Variants in MBOAT4 observed in about 807,000 individuals in gnomAD.
The protein encoded by MBOAT4 is membrane bound ghrelin O-acyltransferase MBOAT4, also known as membrane-bound ghrelin O-acyltransferase MBOAT4.
MBOAT4 carries 11 observed loss-of-function variants against 13.2 expected under a neutral mutation model. The ratio of observed to expected loss-of-function variants is 0.84; its 90% confidence interval spans 0.53 to 1.38. The LOEUF (loss-of-function observed/expected upper bound fraction) is 1.38, where lower values mean the gene tolerates loss of function less well. Among genes scored for constraint, MBOAT4 ranks in the 40% most tolerant of loss-of-function variants. The pLI, the probability that MBOAT4 is intolerant of heterozygous loss-of-function variation, is 0.00. For missense variants in MBOAT4, 481 were observed against 527.2 expected (o/e 0.91, Z 0.86); for synonymous variants, 202 against 210.3 (o/e 0.96, Z 0.34).
In MBOAT4 at chr8:30,132,120, G is replaced by A; in HGVS notation, c.1131C>T (p.Phe377=). 6.4e-7 allele frequency: 1 copy of A among 1,551,696 alleles called. No individual in the cohort carries two copies. Among genetic ancestry groups the A allele is most frequent in the Non-Finnish European group, 8.7e-7 (1 of 1,147,004 alleles). ...TGTGGGCCCAGGTGAGGGTTCTATAGAACAGCCTCATCGGCCAGGATCTGA... is the reference window on the plus strand; with the variant it reads ...TGTGGGCCCAGGTGAGGGTTCTATAAAACAGCCTCATCGGCCAGGATCTGA... The part of the protein sequence containing the change: ...EFIRSWPMRL[F]YRTLTWAHTQ... The change falls in exon 3 of 3, where the codon TTC becomes TTT. Residue 377 remains phenylalanine (F), a synonymous_variant. Coordinates refer to ENST00000320542, the MANE Select transcript of MBOAT4 (RefSeq NM_001100916.2).
rs752092925 is a variant in MBOAT4, at chr8:30,132,553, G to C, written c.698C>G (p.Thr233Ser). ...GATGCACTCGAATTGCTGGCAATCAGTCAGTCCCGCTCCTGCATCCACCAC... is the reference window on the plus strand; with the variant it reads ...GATGCACTCGAATTGCTGGCAATCACTCAGTCCCGCTCCTGCATCCACCAC... ...SRVVDAGAGLTDCQQFECIYV... is the reference protein window; with the variant it reads ...SRVVDAGAGLSDCQQFECIYV... The change falls in exon 3 of 3, where the codon ACT (threonine) becomes AGT (serine). Residue 233 changes from threonine (T) to serine (S), a missense_variant. Physicochemically the swap from Thr to Ser is moderately conservative, Grantham distance 58. Transcript: ENST00000320542. 6.4e-7 allele frequency: 1 copy of C among 1,551,698 alleles called. No individual in the cohort carries two copies.
chr8:30,132,792 G>A lies in MBOAT4; in HGVS notation c.459C>T (p.Ser153=). The A allele has an allele frequency of 6.4e-7, 1 of 1,551,752 alleles. No individual in the cohort carries two copies. The highest frequency in any genetic ancestry group is 1.2e-5 in the South Asian group (1 of 84,062). Residue 153 remains serine (S), a synonymous_variant, in exon 3 of 3, where the codon AGC becomes AGT. Coordinates refer to ENST00000320542, the MANE Select transcript of MBOAT4 (RefSeq NM_001100916.2). Reference sequence around the variant, plus strand: ...CCTTACACACATGCTCAGACAAAGAGCTCCTGCTCCTGAAGCCTCCAGATG... The same window carrying A: ...CCTTACACACATGCTCAGACAAAGAACTCCTGCTCCTGAAGCCTCCAGATG... ...KAASGGFRSR[S]SLSEHVCKAL... is the part of the protein sequence containing the mutation.
chr8:30,136,620 A>G lies in MBOAT4; in HGVS notation c.344+1912T>C, dbSNP rs541612215. Among the ~76,000 whole-genome samples the G allele has an allele frequency of 2.6e-5, 4 of 151,850 alleles. No individual in the cohort carries two copies. In the South Asian group the frequency reaches 6.2e-4, roughly 24 times the overall value. On this transcript the variant is annotated intron_variant, in intron 2 of 2. Transcript: ENST00000320542. ...GCCCCAGCTCCCTACTGAAATCCTG[A>G]TTCACTCCATCCCATTTGGTACTTC...
At position 30,132,458 on chromosome 8, in the gene MBOAT4, G is replaced by A; in HGVS notation, c.793C>T (p.Leu265Phe). The A allele has an allele frequency of 6.4e-7, 1 of 1,551,752 alleles. No homozygotes were observed. Among genetic ancestry groups the A allele is most frequent in the East Asian group, 2.4e-5 (1 of 40,928 alleles). Residue 265 changes from leucine to phenylalanine, a missense_variant, in exon 3 of 3, where the codon CTC (leucine) becomes TTC (phenylalanine). Transcript: ENST00000320542. ...GGCCCAAAGCCCGCTGCGTGGAGGA[G>A]GGAGTCGTCCAGGATCCAGTGGGAG... ...YYSHWILDDS[L>F]LHAAGFGPEL...
At chr8:30,139,359 C>T (rs1337344617) in intron 1 of MBOAT4, among the ~76,000 whole-genome samples, 1 of 152,018 alleles carries the variant, frequency 6.6e-6, no homozygotes, top group Non-Finnish European at 1.5e-5. Flanking sequence ...CCTGACCGTC[C>T]TGGAAGTCTG....
intron 2 of MBOAT4, 105 bp downstream of exon 2, chr8:30,138,427 T>A: frequency 1.2e-6 from 1 of 816,224 alleles, no homozygotes; most frequent in South Asian, 1.8e-5. Flanking sequence ...TGGTCAAATG[T>A]GGAAAAATTA....
intron 2 of MBOAT4, among the ~76,000 whole-genome samples, chr8:30,136,730 C>CT (rs11390350): frequency 0.1 from 14,899 of 143,710 alleles, 817 homozygotes; most frequent in East Asian, 0.24. Context: ...TCCCCCCGAA[C>CT]TTTTTTTTTT....
chr8:30,137,617 CTG>C (rs1456629401), intron 2 of MBOAT4: 1 of 793,972 alleles, frequency 1.3e-6, no homozygotes, highest in Non-Finnish European at 2.0e-6. Context: ...AAAATTATAA[CTG>C]AGACAGTGAA....
At chr8:30,135,820 G>C (rs1311794578) in intron 2 of MBOAT4, among the ~76,000 whole-genome samples, 1 of 151,644 alleles carries the variant, frequency 6.6e-6, no homozygotes, top group South Asian at 2.1e-4. Flanking sequence ...AGGCTGAGGT[G>C]GGAGGATTGC....
At chr8:30,136,636 T>C (rs940988551) in intron 2 of MBOAT4, among the ~76,000 whole-genome samples, 1 of 152,090 alleles carries the variant, frequency 6.6e-6, no homozygotes, top group African/African-American at 2.4e-5. Context: ...TCCATCCCAT[T>C]TGGTACTTCC....
chr8:30,140,637 A>G (rs537907699), intron 1 of MBOAT4, among the ~76,000 whole-genome samples: 65 of 152,258 alleles, frequency 4.3e-4, no homozygotes, highest in Middle Eastern at 3.4e-3. Flanking sequence ...TCCATCTTAT[A>G]TATCATGTCC....
At chr8:30,135,255 T>C (rs1400993037) in intron 2 of MBOAT4, among the ~76,000 whole-genome samples, 3 of 152,124 alleles carry the variant, frequency 2.0e-5, no homozygotes, top group African/African-American at 7.2e-5. Context: ...GGCAGGATCA[T>C]GTAAATGGGG....
chr8:30,141,874 G>T (rs900478905), intron 1 of MBOAT4, among the ~76,000 whole-genome samples: 34 of 152,164 alleles, frequency 2.2e-4, no homozygotes, highest in African/African-American at 8.2e-4. Flanking sequence ...GTGTCTCAGT[G>T]TGAGAGCATC....
chr8:30,137,987 C>T (rs528336673), intron 2 of MBOAT4: 2 of 179,560 alleles, frequency 1.1e-5, no homozygotes, highest in Admixed American at 5.4e-5. Context: ...ACTACCCAGA[C>T]CGATAAACTG....
Position 30,132,076 on chromosome 8 carries a change from T to C in MBOAT4, c.1175A>G (p.Tyr392Cys), listed in dbSNP as rs1180346170. ...TWAHTQLIIAYIMLAVEVRSL... is the reference protein window; with the variant it reads ...TWAHTQLIIACIMLAVEVRSL... ...CCTGACCTCCACAGCCAGCATGATG[T>C]AGGCAATGATCAACTGGGTGTGGGC... Residue 392 changes from tyrosine (Y) to cysteine (C), a missense_variant, in exon 3 of 3, where the codon TAC becomes TGC. Physicochemically the swap from Tyr to Cys is radical, Grantham distance 194. Transcript: ENST00000320542. 1 of 1,551,638 alleles carries C rather than the reference T, an allele frequency of 6.4e-7. No homozygotes were observed. The highest frequency in any genetic ancestry group is 8.7e-7 in the Non-Finnish European group (1 of 1,147,022).
At chr8:30,136,366 G>C (rs11787124) in intron 2 of MBOAT4, among the ~76,000 whole-genome samples, 5 of 152,210 alleles carry the variant, frequency 3.3e-5, no homozygotes, top group Non-Finnish European at 7.3e-5. Context: ...CCACCCGCAA[G>C]CCACGAGAAT....
chr8:30,136,503 GC>G (rs1276204609), intron 2 of MBOAT4, among the ~76,000 whole-genome samples: 1 of 152,158 alleles, frequency 6.6e-6, no homozygotes, highest in Non-Finnish European at 1.5e-5. Flanking sequence ...CAGCAGCCCT[GC>G]CCGACTAGCA....
intron 1 of MBOAT4, among the ~76,000 whole-genome samples, chr8:30,143,679 C>T (rs1321353453): frequency 1.3e-5 from 2 of 152,134 alleles, no homozygotes; most frequent in African/African-American, 4.8e-5. Flanking sequence ...GCTAATCTAA[C>T]AAGATTCATT....
Position 30,131,877 on chromosome 8 carries a change from C to T in MBOAT4, c.*66G>A, listed in dbSNP as rs1215490261. ...GGAAAAGTTCAAATGTATGCATTAT[C>T]GATGCGTCATCTGGCACTTTCTAAA... On this transcript the variant is annotated 3_prime_UTR_variant, in exon 3 of 3. Coordinates refer to ENST00000320542, the MANE Select transcript of MBOAT4 (RefSeq NM_001100916.2). The T allele has an allele frequency of 8.2e-6, 12 of 1,469,166 alleles. No individual in the cohort carries two copies. Among genetic ancestry groups the T allele is most frequent in the Admixed American group, 2.6e-5 (1 of 39,080 alleles). 91.0% of individuals were successfully genotyped at this position (1,469,166 alleles called of 1,614,324 possible).
Sources: allele counts gnomAD v4.1 joint callset (sites outside exome capture counted in the v4.1 genomes callset), GRCh38; gene constraint gnomAD v4.1.1; transcripts MANE v1.5; gene names NCBI Gene and HGNC (gene_info 2026-07-23, HGNC 2026-07-21).